ZNF609: variants seen among roughly 807,000 people sequenced by gnomAD.
ZNF609 encodes zinc finger protein 609.
ZNF609 carries 11 observed loss-of-function variants against 109.5 expected under a neutral mutation model. The ratio of observed to expected loss-of-function variants is 0.10; its 90% CI spans 0.06 to 0.17. The LOEUF (loss-of-function observed/expected upper bound fraction) is 0.17, where lower values mean the gene tolerates loss of function less well. ZNF609 is among the 10% of genes least tolerant of loss of function. The pLI is 1.00. For synonymous variants in ZNF609, 646 were observed against 662.0 expected, an observed-to-expected ratio of 0.98 and a Z score of 0.37; for missense variants, 1,559 against 1,772.4, an observed-to-expected ratio of 0.88 and a Z score of 2.16.
chr15:64,466,207 A>AT (rs938767789), intron 1 of ZNF609, among the ~76,000 whole-genome samples: 3 of 151,168 alleles, frequency 2.0e-5, no homozygotes, highest in Non-Finnish European at 4.4e-5. Context: ...GAAAATTCAG[A>AT]TTTTTTAATA....
chr15:64,616,599 A>G (rs1895801902), intron 2 of ZNF609, among the ~76,000 whole-genome samples: 1 of 142,704 alleles, frequency 7.0e-6, no homozygotes, highest in African/African-American at 2.7e-5. Flanking sequence ...GGCTCACTGC[A>G]AGCTCCACCT....
chr15:64,629,458 A>G (rs916564033), intron 3 of ZNF609, among the ~76,000 whole-genome samples: 4 of 152,216 alleles, frequency 2.6e-5, no homozygotes, highest in Admixed American at 2.6e-4. Context: ...GTATGATGAC[A>G]TCGCAATGGA....
In ZNF609 at chr15:64,670,213, C is replaced by T. The variant is rs1439605769; in HGVS notation, c.974-133C>T. 6 of 698,754 alleles carry T rather than the reference C, an allele frequency of 8.6e-6. No homozygotes were observed. In the East Asian group the frequency reaches 1.6e-4, roughly 19 times the overall value. The allele number at this position is 698,754 out of a possible 1,614,324, so 43.3% of individuals were successfully genotyped here. ...TCCTATGGAACTATTCTGGCCCAAT[C>T]CTATTTGTCCCATTGGTACCCAGAG... On this transcript the variant is annotated intron_variant, in intron 3 of 9. Transcript: ENST00000326648.
At position 64,607,868 on chromosome 15, in the gene ZNF609, TTTCTTTCTTTCTTCTTTCTTTTCTTTC is replaced by T. The variant is rs1567027753; in HGVS notation, c.748-14956_748-14930del. On this transcript the variant is annotated intron_variant, in intron 2 of 9. Coordinates refer to ENST00000326648, the MANE Select transcript of ZNF609 (RefSeq NM_015042.2). ...CTTTCTTTCTTTCTTTCTTTCTTTCTTTCTTTCTTTCTTCTTTCTTTTCTTTCTTTTTTTTTTTTTTTTTTTTTGAGA... is the reference window on the plus strand; with the variant it reads ...CTTTCTTTCTTTCTTTCTTTCTTTCTTTTTTTTTTTTTTTTTTTTTTGAGA... 6.2e-4 allele frequency among the ~76,000 whole-genome samples: 17 copies of T among 27,498 alleles called. 1 individual carries two copies. The highest frequency in any genetic ancestry group is 2.9e-3 in the Admixed American group (4 of 1,380). 18.0% of individuals were successfully genotyped at this position (27,498 alleles called of 152,430 possible).
chr15:64,461,780 G>A (rs143457398), intron 1 of ZNF609, among the ~76,000 whole-genome samples: 1 of 152,158 alleles, frequency 6.6e-6, no homozygotes, highest in Non-Finnish European at 1.5e-5. Context: ...TCTGTTTCCA[G>A]CCATGTGTCC....
At chr15:64,632,625 G>T (rs1424683059) in intron 3 of ZNF609, among the ~76,000 whole-genome samples, 1 of 151,906 alleles carries the variant, frequency 6.6e-6, no homozygotes, top group African/African-American at 2.4e-5. Flanking sequence ...GGAATCACAC[G>T]CCTGGCTGAT....
chr15:64,556,065 A>G (rs1894581399), intron 2 of ZNF609, among the ~76,000 whole-genome samples: 1 of 150,276 alleles, frequency 6.7e-6, no homozygotes, highest in South Asian at 2.1e-4. Context: ...ATCACAGCTC[A>G]CTGCAGCTTC....
chr15:64,547,666 C>T (rs1894389343), intron 2 of ZNF609, among the ~76,000 whole-genome samples: 1 of 150,392 alleles, frequency 6.6e-6, no homozygotes, highest in Admixed American at 6.6e-5. Context: ...TTTTTTTGGA[C>T]AGGTATTTTG....
At chr15:64,627,663 C>CTTTTTTTTTT (rs35293725) in intron 3 of ZNF609, among the ~76,000 whole-genome samples, 5 of 86,012 alleles carry the variant, frequency 5.8e-5, no homozygotes, top group African/African-American at 8.6e-5. Context: ...TTTTTTCTTT[C>CTTTTTTTTTT]TTTTTTTTTT....
intron 3 of ZNF609, among the ~76,000 whole-genome samples, chr15:64,630,091 CTTTTTTCTTT>C (rs1896042424): frequency 7.0e-6 from 1 of 143,062 alleles, no homozygotes; most frequent in African/African-American, 2.7e-5. Context: ...TCCTAATTTT[CTTTTTTCTTT>C]TTTTTTTTTT....
At chr15:64,554,201 G>C (rs1161511711) in intron 2 of ZNF609, among the ~76,000 whole-genome samples, 1 of 152,172 alleles carries the variant, frequency 6.6e-6, no homozygotes, top group Non-Finnish European at 1.5e-5. Flanking sequence ...TATGACGTTA[G>C]CTGTAGTTTT....
intron 1 of ZNF609, among the ~76,000 whole-genome samples, chr15:64,492,875 G>A (rs79450154): frequency 0.025 from 3,820 of 152,194 alleles, 73 homozygotes; most frequent in South Asian, 0.057. Context: ...TACCCTCCTC[G>A]AATTGAGTAT....
intron 3 of ZNF609, among the ~76,000 whole-genome samples, chr15:64,639,118 T>A (rs1896218254): frequency 6.6e-6 from 1 of 152,142 alleles, no homozygotes; most frequent in African/African-American, 2.4e-5. Flanking sequence ...ATAAATAAGA[T>A]GGAGCTTGGA....
intron 3 of ZNF609, among the ~76,000 whole-genome samples, chr15:64,643,954 A>G (rs1259966904): frequency 1.3e-5 from 2 of 151,936 alleles, no homozygotes; most frequent in Admixed American, 6.6e-5. Context: ...TTTTTTTTTA[A>G]TTAGCTGGAC....
In ZNF609 at chr15:64,678,220, G is replaced by A; in HGVS notation, c.3507G>A (p.Glu1169=). The A allele has an allele frequency of 6.2e-7, 1 of 1,614,132 alleles. No homozygotes were observed. Among genetic ancestry groups the A allele is most frequent in the Non-Finnish European group, 8.5e-7 (1 of 1,180,024 alleles). ...WKEERDRKLK[E]ERSRSKDSVP... is the part of the protein sequence containing the mutation. ...AGGAGCGGGACCGCAAATTGAAGGA[G>A]GAAAGGAGTCGGAGTAAGGACTCTG... The change falls in exon 6 of 10, where the codon GAG becomes GAA. Residue 1169 remains glutamate, a synonymous_variant. Transcript: ENST00000326648.
chr15:64,554,236 G>A (rs1161941623), intron 2 of ZNF609, among the ~76,000 whole-genome samples: 1 of 152,150 alleles, frequency 6.6e-6, no homozygotes. Flanking sequence ...TTTTCGGATT[G>A]AGAAAGTCCT....
At chr15:64,557,736 G>A (rs1894612501) in intron 2 of ZNF609, among the ~76,000 whole-genome samples, 1 of 152,002 alleles carries the variant, frequency 6.6e-6, no homozygotes, top group Non-Finnish European at 1.5e-5. Flanking sequence ...TCGCTCTGTC[G>A]CCCAGGCTGG....
intron 1 of ZNF609, among the ~76,000 whole-genome samples, chr15:64,487,640 A>T (rs1355385297): frequency 6.8e-6 from 1 of 147,034 alleles, no homozygotes; most frequent in African/African-American, 2.5e-5. Context: ...TTTTGTTTTA[A>T]TTTTTTTTTT....
intron 1 of ZNF609, among the ~76,000 whole-genome samples, chr15:64,484,101 A>G (rs192257192): frequency 6.7e-6 from 1 of 149,190 alleles, no homozygotes; most frequent in African/African-American, 2.5e-5. Context: ...CATCTTGATG[A>G]TAAATAAGTT....
Sources: allele counts gnomAD v4.1 joint callset (sites outside exome capture counted in the v4.1 genomes callset), GRCh38; gene constraint gnomAD v4.1.1; transcripts MANE v1.5; gene names NCBI Gene and HGNC (gene_info 2026-07-23, HGNC 2026-07-21).